Variants in MPDZ observed in about 807,000 individuals in gnomAD.
MPDZ encodes multiple PDZ domain protein.
In MPDZ, 234 loss-of-function variants were observed where a neutral mutation model predicts 239.1. The ratio of observed to expected loss-of-function variants is 0.98; its 90% CI spans 0.88 to 1.09. The LOEUF (loss-of-function observed/expected upper bound fraction) is 1.09. Among genes scored for constraint, MPDZ ranks in the 50% least tolerant of loss-of-function variants. MPDZ has a pLI of 0.00. For synonymous variants in MPDZ, 1,048 were observed against 881.3 expected, an observed-to-expected ratio of 1.19 and a Z score of -3.35; for missense variants, 3,175 against 2,510.0, an observed-to-expected ratio of 1.26 and a Z score of -5.66.
At chr9:13,220,934 C>T (rs1365065458) in intron 7 of MPDZ, among the ~76,000 whole-genome samples, 3 of 151,904 alleles carry the variant, frequency 2.0e-5, no homozygotes, top group Non-Finnish European at 4.4e-5. Context: ...GTTTCATACA[C>T]AAAGATGATA....
chr9:13,122,293 C>T, intron 36 of MPDZ, 123 bp from the exon 37 acceptor site: 1 of 825,394 alleles, frequency 1.2e-6, no homozygotes, highest in Non-Finnish European at 1.9e-6. Flanking sequence ...TCTGGCTCTA[C>T]AGTACAAGCT....
chr9:13,119,830 G>A, intron 38 of MPDZ, 181 bp from the exon 39 acceptor site: 2 of 639,064 alleles, frequency 3.1e-6, no homozygotes, highest in South Asian at 3.9e-5. Flanking sequence ...AACAGCTTAT[G>A]TCTTACAGTG....
chr9:13,230,945 C>T (rs766813718), intron 3 of MPDZ, among the ~76,000 whole-genome samples: 4 of 151,556 alleles, frequency 2.6e-5, no homozygotes, highest in African/African-American at 4.8e-5. Context: ...GCTAAGCATC[C>T]GAATCAAAAA....
At chr9:13,235,305 A>G (rs1221894522) in intron 3 of MPDZ, among the ~76,000 whole-genome samples, 1 of 152,220 alleles carries the variant, frequency 6.6e-6, no homozygotes, top group Non-Finnish European at 1.5e-5. Context: ...GCAATAAGTT[A>G]TAAGAAGGGA....
At chr9:13,178,780 G>A (rs1481153502) in intron 19 of MPDZ, among the ~76,000 whole-genome samples, 1 of 152,114 alleles carries the variant, frequency 6.6e-6, no homozygotes, top group Admixed American at 6.5e-5. Context: ...TCTGTCACTT[G>A]TCTTTTAGTT....
At chr9:13,256,486 G>T (rs1420300824) in intron 1 of MPDZ, among the ~76,000 whole-genome samples, 1 of 152,140 alleles carries the variant, frequency 6.6e-6, no homozygotes, top group African/African-American at 2.4e-5. Flanking sequence ...GGTTTAAAGT[G>T]AGAGGCATGC....
At chr9:13,185,985 T>C (rs990455897) in intron 18 of MPDZ, among the ~76,000 whole-genome samples, 7 of 152,128 alleles carry the variant, frequency 4.6e-5, no homozygotes, top group African/African-American at 1.2e-4. Context: ...AAGCGTGAAA[T>C]TGGAGCAAAC....
chr9:13,123,177 G>C lies in MPDZ; in HGVS notation c.4929C>G (p.Ile1643Met). The change falls in exon 36 of 47, where the codon ATC becomes ATG. Residue 1643 changes from isoleucine to methionine, a missense_variant. By Grantham distance (10) the Ile-to-Met change is conservative (BLOSUM62 1). Coordinates refer to ENST00000319217, the MANE Select transcript of MPDZ (RefSeq NM_001378778.1). Reference sequence around the variant, plus strand: ...CCAGCAGCGTGTCTGAACCCCCAACGATGCTCAGGCCCAGCCCTGTTCGCC... The same window carrying C: ...CCAGCAGCGTGTCTGAACCCCCAACCATGCTCAGGCCCAGCCCTGTTCGCC... ...SKGRTGLGLS[I>M]VGGSDTLLGA... is the part of the protein sequence containing the mutation. 1 of 1,612,656 alleles carries C rather than the reference G, an allele frequency of 6.2e-7. No individual in the cohort carries two copies. Among genetic ancestry groups the C allele is most frequent in the South Asian group, 1.1e-5 (1 of 90,990 alleles).
In MPDZ at chr9:13,228,462, A is replaced by G. The variant is rs140844015; in HGVS notation, c.184-3879T>C. ...ATGCAGTCAGAACCAGTATTGATTC[A>G]CATACTACAAAAGGTCAAGTAAAGC... is the stretch of plus-strand genomic sequence containing the variant. On this transcript the variant is annotated intron_variant, in intron 3 of 46. Coordinates refer to ENST00000319217, the MANE Select transcript of MPDZ (RefSeq NM_001378778.1). Among the ~76,000 whole-genome samples the G allele has an allele frequency of 4.4e-3, 675 of 152,256 alleles. 5 individuals carry two copies. Among genetic ancestry groups the G allele is most frequent in the African/African-American group, 0.016 (653 of 41,554 alleles).
chr9:13,127,535 G>T (rs546435069), intron 32 of MPDZ, among the ~76,000 whole-genome samples: 2 of 152,090 alleles, frequency 1.3e-5, no homozygotes, highest in African/African-American at 4.8e-5. Flanking sequence ...TTTTTCTCCA[G>T]AGAAAAGTTA....
chr9:13,109,986 G>A lies in MPDZ; in HGVS notation c.5908C>T (p.Leu1970=), dbSNP rs1441621484. The change falls in exon 45 of 47, where the codon CTG becomes TTG. Residue 1970 remains leucine (L), a synonymous_variant. Transcript: ENST00000319217. ...TCCTGAAATATACTGCTTGACGTCA[G>A]CCCAGTGAAAGAAAGACTGGAACTT... ...PASSSLSFTG[L]TSSSIFQDDL... is the part of the protein sequence containing the mutation. The A allele has an allele frequency of 6.2e-7, 1 of 1,613,230 alleles. No homozygotes were observed. The highest frequency in any genetic ancestry group is 8.5e-7 in the Non-Finnish European group (1 of 1,179,688).
chr9:13,162,612 AG>A, intron 23 of MPDZ, 78 bp downstream of exon 23: 1 of 817,008 alleles, frequency 1.2e-6, no homozygotes, highest in East Asian at 2.7e-5. Flanking sequence ...TCTTTGCTCT[AG>A]TCCTCCCTGA....
chr9:13,148,834 C>G (rs1328934181), intron 25 of MPDZ, among the ~76,000 whole-genome samples: 1 of 151,938 alleles, frequency 6.6e-6, no homozygotes, highest in African/African-American at 2.4e-5. Flanking sequence ...TAGAAAAGCC[C>G]TTGCAATATG....
chr9:13,267,141 A>G (rs1971962363), intron 1 of MPDZ, among the ~76,000 whole-genome samples: 1 of 152,248 alleles, frequency 6.6e-6, no homozygotes, highest in Non-Finnish European at 1.5e-5. Flanking sequence ...ACTAATAATA[A>G]AATTGCATTT....
intron 24 of MPDZ, among the ~76,000 whole-genome samples, chr9:13,156,504 G>A (rs934685990): frequency 6.6e-6 from 1 of 152,138 alleles, no homozygotes; most frequent in Non-Finnish European, 1.5e-5. Flanking sequence ...CTTGTGCAGG[G>A]CAACTCCCGT....
intron 1 of MPDZ, among the ~76,000 whole-genome samples, chr9:13,257,466 GTC>G (rs766212753): frequency 2.6e-5 from 4 of 152,044 alleles, no homozygotes; most frequent in Non-Finnish European, 5.9e-5. Context: ...TTTCCAAACT[GTC>G]TCACAAAAAT....
At chr9:13,173,602 C>G (rs1952066942) in intron 21 of MPDZ, among the ~76,000 whole-genome samples, 1 of 151,584 alleles carries the variant, frequency 6.6e-6, no homozygotes, top group Non-Finnish European at 1.5e-5. Flanking sequence ...ACTCAGGAGG[C>G]TGAGAGGGAT....
chr9:13,219,204 C>G (rs766985310), intron 8 of MPDZ, among the ~76,000 whole-genome samples: 2 of 151,830 alleles, frequency 1.3e-5, no homozygotes, highest in Non-Finnish European at 2.9e-5. Context: ...TATGACCCAC[C>G]TTACAGAGAG....
Position 13,138,051 on chromosome 9 carries a change from T to C in MPDZ, c.4106A>G (p.Asp1369Gly). 6.2e-7 allele frequency: 1 copy of C among 1,613,856 alleles called. No individual in the cohort carries two copies. Among genetic ancestry groups the C allele is most frequent in the African/African-American group, 1.3e-5 (1 of 75,062 alleles). The change falls in exon 29 of 47, where the codon GAC (aspartate) becomes GGC (glycine). Residue 1369 changes from aspartate (D) to glycine (G), a missense_variant. By Grantham distance (94) the Asp-to-Gly change is moderately conservative. Transcript: ENST00000319217. ...GLGLSLAGNK[D>G]RSRMSVFIVG... ...TATGAAGACACTCATCCTGGATCGG[T>C]CTTTGTTCCCAGCAAGACTTAGGCC...
Sources: allele counts gnomAD v4.1 joint callset (sites outside exome capture counted in the v4.1 genomes callset), GRCh38; gene constraint gnomAD v4.1.1; transcripts MANE v1.5; gene names NCBI Gene and HGNC (gene_info 2026-07-23, HGNC 2026-07-21).